RUFY2: variants seen among roughly 807,000 people sequenced by gnomAD.
The protein encoded by RUFY2 is RUN and FYVE domain-containing protein 2.
A neutral mutation model predicts 94.4 loss-of-function variants in RUFY2; 49 were observed. That is an observed-to-expected ratio of 0.52 (90% CI 0.41 to 0.66). RUFY2 has a LOEUF of 0.66. Among genes scored for constraint, RUFY2 ranks in the 30% least tolerant of loss-of-function variants. The pLI, the probability that RUFY2 is intolerant of heterozygous loss-of-function variation, is 0.00. For missense variants in RUFY2, 541 were observed against 692.8 expected, an observed-to-expected ratio of 0.78 and a Z score of 2.46; for synonymous variants, 255 against 235.7, an observed-to-expected ratio of 1.08 and a Z score of -0.75.
In RUFY2 at chr10:68,386,081, G is replaced by T; in HGVS notation, c.698C>A (p.Ser233Ter). 6.2e-7 allele frequency: 1 copy of T among 1,611,488 alleles called. No homozygotes were observed. The highest frequency in any genetic ancestry group is 1.1e-5 in the South Asian group (1 of 90,750). ...LHSRVDSLEK[S>*]NTKLIEELAI... ...TACCTCTTCAATCAGCTTAGTATTT[G>T]ACTTTTCTAATGAATCAACTCTTGA... is the stretch of plus-strand genomic sequence containing the variant. The change falls in exon 8 of 18, where the codon TCA becomes TAA. Residue 233 changes from serine (S) to a stop codon, truncating the protein, a stop_gained. Transcript: ENST00000602465. LOFTEE classifies it high-confidence loss of function.
chr10:68,379,847 G>A (rs10998099), intron 11 of RUFY2, among the ~76,000 whole-genome samples: 14,251 of 148,214 alleles, frequency 0.096, 1,030 homozygotes, highest in South Asian at 0.25. Flanking sequence ...TCACTCTGTC[G>A]CCCAGGCTGG....
At position 68,378,211 on chromosome 10, in the gene RUFY2, T is replaced by A. The variant is rs962707403; in HGVS notation, c.1205+1213A>T. ...AAAGAGTGGGCCAATGAGAAAAAAATATCTGTGCCAACACAGTATAAAACT... is the reference window on the plus strand; with the variant it reads ...AAAGAGTGGGCCAATGAGAAAAAAAAATCTGTGCCAACACAGTATAAAACT... On this transcript the variant is annotated intron_variant, in intron 12 of 17. Coordinates refer to ENST00000602465, the MANE Select transcript of RUFY2 (RefSeq NM_001330103.2). 29 of 999,014 alleles carry A rather than the reference T, an allele frequency of 2.9e-5. No homozygotes were observed. The Admixed American group carries it at 3.0e-4, about 10-fold the overall frequency. The allele number at this position is 999,014 out of a possible 1,614,324, so 61.9% of individuals were successfully genotyped here. A position where few individuals can be genotyped will look rare whatever the true frequency, so the allele number is the denominator to read the frequency against.
chr10:68,361,006 G>A (rs982914422), intron 15 of RUFY2, among the ~76,000 whole-genome samples: 2 of 152,084 alleles, frequency 1.3e-5, no homozygotes, highest in Admixed American at 6.6e-5. Context: ...TGAGGGGCCG[G>A]GCGTGGTGGC....
At chr10:68,393,025 C>A in intron 7 of RUFY2, 113 bp downstream of exon 7, 1 of 437,572 alleles carries the variant, frequency 2.3e-6, no homozygotes, top group Admixed American at 4.3e-5. Context: ...TCTCTCTATC[C>A]CCTCAACCCC....
intron 2 of RUFY2, among the ~76,000 whole-genome samples, chr10:68,403,917 C>T (rs752826435): frequency 6.6e-5 from 10 of 151,724 alleles, no homozygotes; most frequent in Non-Finnish European, 1.3e-4. Context: ...TTCAGCCTCT[C>T]GAACAGCTGG....
At chr10:68,395,663 C>G (rs956092881) in intron 4 of RUFY2, among the ~76,000 whole-genome samples, 3 of 152,174 alleles carry the variant, frequency 2.0e-5, no homozygotes, top group African/African-American at 7.2e-5. Context: ...AGTTCAAAAA[C>G]TAAGTCTCAC....
chr10:68,366,941 G>A (rs528556662), intron 13 of RUFY2, among the ~76,000 whole-genome samples: 12 of 148,264 alleles, frequency 8.1e-5, no homozygotes, highest in Middle Eastern at 3.5e-3. Flanking sequence ...AGGCCGAGGC[G>A]TGCAGATCAC....
intron 3 of RUFY2, among the ~76,000 whole-genome samples, chr10:68,399,605 C>G (rs2050659329): frequency 6.6e-6 from 1 of 152,162 alleles, no homozygotes; most frequent in African/African-American, 2.4e-5. Context: ...CATTCAACAA[C>G]AAAATAACAG....
chr10:68,355,622 T>C, intron 15 of RUFY2: 3 of 371,244 alleles, frequency 8.1e-6, no homozygotes, highest in South Asian at 3.1e-5. Flanking sequence ...TTAAGAAATA[T>C]TGGCATTTTC....
chr10:68,366,826 A>G (rs575104010), intron 13 of RUFY2, among the ~76,000 whole-genome samples: 2 of 142,084 alleles, frequency 1.4e-5, no homozygotes, highest in African/African-American at 5.1e-5. Flanking sequence ...TATATGGTAT[A>G]TATTATAATA....
rs918814512 is a variant in RUFY2, at chr10:68,344,495, A to T, written c.*1273T>A. On this transcript the variant is annotated 3_prime_UTR_variant, in exon 18 of 18. Transcript: ENST00000602465. ...ACAAGTTAAATTCTTAGTATGCCAT[A>T]AGCAATATAACTTGGATTAGTGTTC... 1 of 152,246 alleles carries T rather than the reference A, an allele frequency of 6.6e-6. No individual in the cohort carries two copies. Among genetic ancestry groups the T allele is most frequent in the Admixed American group, 6.5e-5 (1 of 15,288 alleles). 9.4% of individuals were successfully genotyped at this position (152,246 alleles called of 1,614,324 possible). A position where few individuals can be genotyped will look rare whatever the true frequency, so the allele number is the denominator to read the frequency against.
intron 16 of RUFY2, 155 bp from the exon 17 acceptor site, chr10:68,346,239 T>A (rs180916557): frequency 1.6e-6 from 1 of 623,146 alleles, no homozygotes; most frequent in Admixed American, 3.2e-5. Context: ...TAAATATGTA[T>A]GGAATTAGCC....
intron 14 of RUFY2, 147 bp from the exon 15 acceptor site, chr10:68,363,831 A>G: frequency 2.4e-6 from 2 of 823,738 alleles, no homozygotes; most frequent in South Asian, 4.0e-5. Flanking sequence ...TAGCTGCTGT[A>G]TCAACTATTT....
At chr10:68,407,084 G>C in intron 1 of RUFY2, 102 bp downstream of exon 1, 2 of 1,495,608 alleles carry the variant, frequency 1.3e-6, no homozygotes, top group South Asian at 2.6e-5. Flanking sequence ...GTTCCGACTG[G>C]CGGCCTCGGC....
rs2047609404 is a variant in RUFY2, at chr10:68,363,603, T to C, written c.1537A>G (p.Asn513Asp). ...EQEQALQELGNKLSESKLKIE... is the reference protein window; with the variant it reads ...EQEQALQELGDKLSESKLKIE... ...AAAAGAAATTACTCGCTAAGCTTGT[T>C]GCCGAGTTCTTGAAGAGCTTGCTCT... The change falls in exon 15 of 18, where the codon AAC becomes GAC. Residue 513 changes from asparagine (N) to aspartate (D), a missense_variant. Asn to Asp is a conservative substitution (Grantham distance 23). Around this residue, in one of 3 missense-constraint regions of RUFY2, gnomAD observed 403 missense variants for 480.7 expected, o/e 0.84. Coordinates refer to ENST00000602465, the MANE Select transcript of RUFY2 (RefSeq NM_001330103.2). 1.3e-6 allele frequency: 2 copies of C among 1,596,794 alleles called. No individual in the cohort carries two copies. Among genetic ancestry groups the C allele is most frequent in the Non-Finnish European group, 1.7e-6 (2 of 1,174,640 alleles).
chr10:68,369,023 G>A (rs751833794), intron 13 of RUFY2, among the ~76,000 whole-genome samples: 1 of 152,112 alleles, frequency 6.6e-6, no homozygotes, highest in Admixed American at 6.5e-5. Flanking sequence ...CTCTTGCCTG[G>A]CAATGATGAG....
At chr10:68,343,360 C>T (rs373446283), downstream of RUFY2, 1 of 152,418 alleles carries the variant, frequency 6.6e-6, no homozygotes. Context: ...TGCTTGTATC[C>T]ACTTCCTTTA....
rs992883967 is a variant in RUFY2, at chr10:68,344,695, G to C, written c.*1073C>G. 1 of 152,156 alleles carries C rather than the reference G, an allele frequency of 6.6e-6. No homozygotes were observed. The highest frequency in any genetic ancestry group is 2.4e-5 in the African/African-American group (1 of 41,340). The allele number at this position is 152,156 out of a possible 1,614,324, so 9.4% of individuals were successfully genotyped here. Reference sequence around the variant, plus strand: ...GTGAAACTCCATCTCGAAAAAAAAAGAAATAGGTCAAGTGTATATTTCATC... The same window carrying C: ...GTGAAACTCCATCTCGAAAAAAAAACAAATAGGTCAAGTGTATATTTCATC... On this transcript the variant is annotated 3_prime_UTR_variant, in exon 18 of 18. Transcript: ENST00000602465.
intron 15 of RUFY2, among the ~76,000 whole-genome samples, chr10:68,356,939 C>T (rs181438637): frequency 5.9e-5 from 9 of 151,726 alleles, no homozygotes; most frequent in East Asian, 4.0e-4. Context: ...GTGAGCAGAC[C>T]GCCTGAGGTC....
Sources: gnomAD v4.1 joint callset for allele counts (sites outside exome capture counted in the v4.1 genomes callset) on GRCh38, gnomAD v4.1.1 for gene constraint, gnomAD v4.1.1 regional missense constraint, MANE v1.5 for transcripts, NCBI Gene and HGNC (gene_info 2026-07-23, HGNC 2026-07-21) for gene names.